The following EPHA6 variants were observed in gnomAD, a reference collection of about 807,000 sequenced individuals.
The protein encoded by EPHA6 is ephrin type-A receptor 6.
Under a neutral mutation model 112.0 loss-of-function variants are expected in EPHA6, and 50 were observed. The observed-to-expected ratio is 0.45, with a 90% CI of 0.36 to 0.56. EPHA6 has a LOEUF of 0.56. Ranked by LOEUF, EPHA6 falls within the 20% of genes least tolerant of loss-of-function variation. The pLI, the probability that EPHA6 is intolerant of heterozygous loss-of-function variation, is 0.00. For missense variants in EPHA6, 1,280 were observed against 1,417.4 expected (o/e 0.90, Z 1.56); for synonymous variants, 529 against 490.7 (o/e 1.08, Z -1.03).
chr3:97,242,807 G>A (rs1326139399), intron 4 of EPHA6, among the ~76,000 whole-genome samples: 1 of 151,656 alleles, frequency 6.6e-6, no homozygotes, highest in Non-Finnish European at 1.5e-5. Context: ...AATTGGTTTA[G>A]ATTTTTTTTT....
At chr3:97,249,729 T>G (rs112551678) in intron 5 of EPHA6, among the ~76,000 whole-genome samples, 1,742 of 152,286 alleles carry the variant, frequency 0.011, 33 homozygotes, top group African/African-American at 0.039. Context: ...ACTAAGAATA[T>G]CCTCCATTTA....
chr3:97,537,047 G>A (rs2092774089), intron 11 of EPHA6, among the ~76,000 whole-genome samples: 2 of 152,008 alleles, frequency 1.3e-5, no homozygotes, highest in Non-Finnish European at 1.5e-5. Context: ...GGTGCATATT[G>A]ATGACCCAAT....
At chr3:96,975,269 C>G (rs1231741167) in intron 2 of EPHA6, among the ~76,000 whole-genome samples, 1 of 152,046 alleles carries the variant, frequency 6.6e-6, no homozygotes, top group African/African-American at 2.4e-5. Context: ...GGCAGACTTG[C>G]ATATGAAGCT....
At chr3:97,703,158 A>G (rs960197380) in intron 14 of EPHA6, among the ~76,000 whole-genome samples, 2 of 152,154 alleles carry the variant, frequency 1.3e-5, no homozygotes, top group Admixed American at 1.3e-4. Flanking sequence ...CTAGATTCCT[A>G]AAAGAAGCCA....
At chr3:96,859,326 C>A (rs1449076024) in intron 1 of EPHA6, among the ~76,000 whole-genome samples, 1 of 150,868 alleles carries the variant, frequency 6.6e-6, no homozygotes, top group East Asian at 1.9e-4. Flanking sequence ...CTGATAATTT[C>A]TTATTTCTGA....
intron 3 of EPHA6, among the ~76,000 whole-genome samples, chr3:97,187,675 G>GAGAAAGAAGGAA (rs1446191805): frequency 3.9e-5 from 3 of 77,056 alleles, no homozygotes; most frequent in Non-Finnish European, 5.5e-5. Flanking sequence ...AAGAAAGAAA[G>GAGAAAGAAGGAA]AGAAAGAAAG....
chr3:97,292,519 A>T (rs115920907), intron 5 of EPHA6, among the ~76,000 whole-genome samples: 2,279 of 152,336 alleles, frequency 0.015, 56 homozygotes, highest in African/African-American at 0.049. Context: ...TTCGGCAAGC[A>T]GGTCGTCCTG....
intron 2 of EPHA6, among the ~76,000 whole-genome samples, chr3:96,897,246 T>A (rs572152946): frequency 4.7e-4 from 70 of 148,744 alleles, no homozygotes; most frequent in Middle Eastern, 3.4e-3. Context: ...ACACACATAC[T>A]GTTTATCAAG....
chr3:96,905,551 C>G (rs1449458857), intron 2 of EPHA6, among the ~76,000 whole-genome samples: 1 of 151,924 alleles, frequency 6.6e-6, no homozygotes, highest in Non-Finnish European at 1.5e-5. Context: ...TAAATCTTAT[C>G]TAGACCAAAT....
chr3:97,725,886 A>T (rs1180586270), intron 15 of EPHA6, among the ~76,000 whole-genome samples: 1 of 152,074 alleles, frequency 6.6e-6, no homozygotes, highest in Non-Finnish European at 1.5e-5. Context: ...CGAATCCCAG[A>T]TCCACAATTC....
At chr3:97,528,493 T>A (rs977259785) in intron 10 of EPHA6, among the ~76,000 whole-genome samples, 22 of 152,100 alleles carry the variant, frequency 1.4e-4, no homozygotes, top group Non-Finnish European at 2.9e-4. Context: ...AGAGCATTCC[T>A]GTCTGAGGGA....
intron 3 of EPHA6, among the ~76,000 whole-genome samples, chr3:97,208,248 T>C (rs2077767121): frequency 6.6e-6 from 1 of 152,194 alleles, no homozygotes; most frequent in South Asian, 2.1e-4. Flanking sequence ...TTTTCTTCAA[T>C]TCAATATTTA....
intron 3 of EPHA6, among the ~76,000 whole-genome samples, chr3:97,051,789 A>T (rs2108087412): frequency 6.6e-6 from 1 of 152,214 alleles, no homozygotes; most frequent in East Asian, 1.9e-4. Context: ...AGAGATTCTG[A>T]TATAATTGTT....
chr3:97,640,424 A>G (rs1360877508), intron 14 of EPHA6, among the ~76,000 whole-genome samples: 1 of 152,178 alleles, frequency 6.6e-6, no homozygotes. Flanking sequence ...GGAGACAGGC[A>G]CTGATTTATT....
At chr3:97,041,049 G>C (rs989437477) in intron 3 of EPHA6, among the ~76,000 whole-genome samples, 2 of 151,956 alleles carry the variant, frequency 1.3e-5, no homozygotes, top group Non-Finnish European at 2.9e-5. Context: ...GAATTAGTTT[G>C]CTTGTTTATA....
At chr3:97,295,957 A>G (rs1265563910) in intron 5 of EPHA6, among the ~76,000 whole-genome samples, 1 of 152,074 alleles carries the variant, frequency 6.6e-6, no homozygotes, top group East Asian at 1.9e-4. Flanking sequence ...TGGATGGTGA[A>G]TGTGGGCACC....
rs137878690 is a variant in EPHA6 at position 97,442,616 on chromosome 3, G to A, written c.1732-5952G>A. On this transcript the variant is annotated intron_variant, in intron 6 of 17. Transcript: ENST00000389672. Reference sequence around the variant, plus strand: ...CTGAAGAACAAACCAGAATATTCACGTATTAAATATACAGAAGTCTGCCCT... The same window carrying A: ...CTGAAGAACAAACCAGAATATTCACATATTAAATATACAGAAGTCTGCCCT... 1.4e-3 allele frequency among the ~76,000 whole-genome samples: 220 copies of A among 152,170 alleles called. 2 individuals are homozygous for A. The highest frequency in any genetic ancestry group is 0.012 in the East Asian group (60 of 5,170).
chr3:97,374,950 A>G (rs1487360987), intron 5 of EPHA6, among the ~76,000 whole-genome samples: 3 of 152,118 alleles, frequency 2.0e-5, no homozygotes, highest in African/African-American at 7.2e-5. Context: ...CACTTATTAG[A>G]CCTAATGCTT....
At chr3:97,250,311 G>C (rs1309837231) in intron 5 of EPHA6, among the ~76,000 whole-genome samples, 1 of 152,120 alleles carries the variant, frequency 6.6e-6, no homozygotes, top group Non-Finnish European at 1.5e-5. Flanking sequence ...TTTTCTCCGT[G>C]ATCATACATT....
Sources: allele counts gnomAD v4.1 joint callset (sites outside exome capture counted in the v4.1 genomes callset), GRCh38; gene constraint gnomAD v4.1.1; transcripts MANE v1.5; gene names NCBI Gene and HGNC (gene_info 2026-07-23, HGNC 2026-07-21).